Variants in LARS2 observed in about 807,000 individuals in gnomAD.
LARS2 encodes the protein leucine--tRNA ligase, mitochondrial.
Under a neutral mutation model 116.6 loss-of-function variants are expected in LARS2, and 81 were observed. The observed-to-expected ratio is 0.69, with a 90% confidence interval of 0.58 to 0.84. LARS2 has a LOEUF of 0.84. Ranked by LOEUF, LARS2 falls within the 40% of genes least tolerant of loss-of-function variation. The pLI is 0.00. For synonymous variants in LARS2, 396 were observed against 407.2 expected, an observed-to-expected ratio of 0.97 and a Z score of 0.33; for missense variants, 968 against 1,114.5, an observed-to-expected ratio of 0.87 and a Z score of 1.87.
chr3:45,445,230 A>G lies in LARS2; in HGVS notation c.517-1661A>G, dbSNP rs140057841. ...ACAATTTTGGGTGCCTCAATGTGCC[A>G]GGACCTGAGCATACTACAATGAGCA... On this transcript the variant is annotated intron_variant, in intron 6 of 21. Transcript: ENST00000645846. Among the ~76,000 whole-genome samples, 485 of 152,330 alleles carry G rather than the reference A, an allele frequency of 3.2e-3. 1 individual carries two copies. Among genetic ancestry groups the G allele is most frequent in the African/African-American group, 0.011 (477 of 41,578 alleles).
chr3:45,493,773 TATC>T (rs750153463), intron 13 of LARS2, among the ~76,000 whole-genome samples: 2 of 152,104 alleles, frequency 1.3e-5, no homozygotes, highest in South Asian at 2.1e-4. Flanking sequence ...GCTTCTTCCT[TATC>T]ATCTAGTTTT....
rs1700432106 is a variant in LARS2, at chr3:45,520,269, G to C, written c.2265G>C (p.Gln755His). ...EDFSLNSAIS[Q>H]LMGLSNALSQ... ...TCTCACTGAATTCTGCAATTTCTCAGCTGATGGGACTCAGCAATGCCCTCT... is the reference window on the plus strand; with the variant it reads ...TCTCACTGAATTCTGCAATTTCTCACCTGATGGGACTCAGCAATGCCCTCT... Residue 755 changes from glutamine (Q) to histidine (H), a missense_variant, in exon 19 of 22, where the codon CAG (glutamine) becomes CAC (histidine). By Grantham distance (24) the Gln-to-His change is conservative (BLOSUM62 0). Transcript: ENST00000645846. The C allele has an allele frequency of 6.2e-7, 1 of 1,613,636 alleles. No individual in the cohort carries two copies. Among genetic ancestry groups the C allele is most frequent in the Non-Finnish European group, 8.5e-7 (1 of 1,179,656 alleles).
intron 8 of LARS2, among the ~76,000 whole-genome samples, chr3:45,463,453 C>G (rs2125712625): frequency 6.6e-6 from 1 of 152,324 alleles, no homozygotes; most frequent in South Asian, 2.1e-4. Flanking sequence ...CTCTCATTTC[C>G]TACCTGATTA....
chr3:45,530,484 C>T (rs575412828), intron 20 of LARS2, among the ~76,000 whole-genome samples: 9 of 152,178 alleles, frequency 5.9e-5, no homozygotes, highest in Admixed American at 5.2e-4. Flanking sequence ...CGCACCACTA[C>T]GCTCCCACCT....
intron 10 of LARS2, among the ~76,000 whole-genome samples, chr3:45,485,047 C>T (rs1699782648): frequency 6.6e-6 from 1 of 152,252 alleles, no homozygotes; most frequent in South Asian, 2.1e-4. Flanking sequence ...CTCCAGGCCT[C>T]TGCTGCAACC....
intron 20 of LARS2, among the ~76,000 whole-genome samples, chr3:45,530,751 T>C (rs1700603154): frequency 6.6e-6 from 1 of 152,256 alleles, no homozygotes; most frequent in Non-Finnish European, 1.5e-5. Flanking sequence ...TTTTGAATTG[T>C]ACATTGTGCT....
At chr3:45,487,140 C>T (rs186136731) in intron 11 of LARS2, among the ~76,000 whole-genome samples, 7 of 152,292 alleles carry the variant, frequency 4.6e-5, no homozygotes, top group African/African-American at 1.4e-4. Context: ...ATTCTTTATA[C>T]GGCCAAATAC....
At chr3:45,497,369 C>A (rs993548234) in intron 14 of LARS2, among the ~76,000 whole-genome samples, 3 of 151,728 alleles carry the variant, frequency 2.0e-5, no homozygotes, top group Admixed American at 6.6e-5. Flanking sequence ...GAATGAGAAC[C>A]GAAAGAAACT....
chr3:45,417,689 GATAA>G (rs1698452980), intron 5 of LARS2, 116 bp downstream of exon 5: 9 of 647,494 alleles, frequency 1.4e-5, no homozygotes, highest in Non-Finnish European at 2.5e-5. Context: ...CGTACCAAGA[GATAA>G]ATATGATTGT....
rs772294973 is a variant in LARS2, at chr3:45,442,137, C to T, written c.517-4754C>T. Reference sequence around the variant, plus strand: ...TGTATTGAAAACAATGGTGCATTAACGTAGGCGTTGGCTTATTTGAAAAGC... The same window carrying T: ...TGTATTGAAAACAATGGTGCATTAATGTAGGCGTTGGCTTATTTGAAAAGC... On this transcript the variant is annotated intron_variant, in intron 6 of 21. Coordinates refer to ENST00000645846, the MANE Select transcript of LARS2 (RefSeq NM_015340.4). Among the ~76,000 whole-genome samples, 8 of 152,134 alleles carry T rather than the reference C, an allele frequency of 5.3e-5. 1 individual carries two copies. Among genetic ancestry groups the T allele is most frequent in the Admixed American group, 3.9e-4 (6 of 15,276 alleles).
At chr3:45,426,327 T>G (rs1179429005) in intron 6 of LARS2, among the ~76,000 whole-genome samples, 2 of 152,206 alleles carry the variant, frequency 1.3e-5, no homozygotes, top group Non-Finnish European at 2.9e-5. Context: ...TTGCAAGAGC[T>G]AGCAGTGGTT....
At chr3:45,446,293 T>C (rs186897215) in intron 6 of LARS2, among the ~76,000 whole-genome samples, 308 of 152,308 alleles carry the variant, frequency 2.0e-3, no homozygotes, top group African/African-American at 7.1e-3. Flanking sequence ...GAACCTTTGA[T>C]TTAGGCTTGG....
chr3:45,434,085 G>A (rs959214154), intron 6 of LARS2, among the ~76,000 whole-genome samples: 6 of 152,044 alleles, frequency 3.9e-5, no homozygotes, highest in African/African-American at 1.4e-4. Flanking sequence ...TATCTTGTTT[G>A]GTGTTCACTT....
chr3:45,482,058 A>T (rs1448073860), intron 10 of LARS2, among the ~76,000 whole-genome samples: 1 of 152,180 alleles, frequency 6.6e-6, no homozygotes, highest in African/African-American at 2.4e-5. Flanking sequence ...ATTCTTTTGC[A>T]CATGGTCATG....
At chr3:45,547,141 T>C (rs1700887642) in intron 21 of LARS2, among the ~76,000 whole-genome samples, 2 of 152,232 alleles carry the variant, frequency 1.3e-5, no homozygotes, top group South Asian at 4.1e-4. Context: ...AGTGTCGGTC[T>C]CTTTCTGCAG....
Position 45,549,108 on chromosome 3 carries a change from A to G in LARS2, c.*1578A>G, listed in dbSNP as rs1458592829. ...CTGGTCCTCATGCCCAGATATTCCA[A>G]TTTAATTGGTCCATGGTGTGGCTTG... is the stretch of plus-strand genomic sequence containing the variant. On this transcript the variant is annotated 3_prime_UTR_variant, in exon 22 of 22. Transcript: ENST00000645846. The G allele has an allele frequency of 2.0e-5, 3 of 152,214 alleles. No homozygotes were observed. The highest frequency in any genetic ancestry group is 4.4e-5 in the Non-Finnish European group (3 of 68,032). The allele number at this position is 152,214 out of a possible 1,614,324, so 9.4% of individuals were successfully genotyped here.
chr3:45,503,265 T>G (rs1374021134), intron 15 of LARS2, among the ~76,000 whole-genome samples: 1 of 152,086 alleles, frequency 6.6e-6, no homozygotes, highest in Admixed American at 6.6e-5. Context: ...AGAAATACTT[T>G]TCTTTCCTCC....
At chr3:45,438,361 A>T (rs1698840917) in intron 6 of LARS2, among the ~76,000 whole-genome samples, 1 of 151,954 alleles carries the variant, frequency 6.6e-6, no homozygotes, top group Non-Finnish European at 1.5e-5. Flanking sequence ...AAATCCAGAG[A>T]CCTGGTTACT....
chr3:45,464,105 C>T (rs967421822), intron 8 of LARS2, among the ~76,000 whole-genome samples: 3 of 152,126 alleles, frequency 2.0e-5, no homozygotes, highest in Admixed American at 1.3e-4. Context: ...TTGTTCCTGT[C>T]CTCCTGATTT....
Sources: gnomAD v4.1 joint callset for allele counts (sites outside exome capture counted in the v4.1 genomes callset) on GRCh38, gnomAD v4.1.1 for gene constraint, MANE v1.5 for transcripts, NCBI Gene and HGNC (gene_info 2026-07-23, HGNC 2026-07-21) for gene names.